STARD6: variants seen among roughly 807,000 people sequenced by gnomAD.
STARD6 encodes the protein stAR-related lipid transfer protein 6.
STARD6 carries 21 observed loss-of-function variants against 22.3 expected under a neutral mutation model. That is an observed-to-expected ratio of 0.94 (90% CI 0.67 to 1.35). The LOEUF (loss-of-function observed/expected upper bound fraction) is 1.35. Ranked by LOEUF, STARD6 falls within the 40% of genes most tolerant of loss-of-function variation. The pLI is 0.00. For missense variants in STARD6, 269 were observed against 266.9 expected, an observed-to-expected ratio of 1.01 and a Z score of -0.05; for synonymous variants, 80 against 88.1, an observed-to-expected ratio of 0.91 and a Z score of 0.52.
chr18:54,325,532 C>G (rs1568164813), intron 7 of STARD6, among the ~76,000 whole-genome samples: 1 of 151,310 alleles, frequency 6.6e-6, no homozygotes, highest in Admixed American at 6.6e-5. Context: ...AATAAAATAT[C>G]TTTGTAATGT....
intron 5 of STARD6, among the ~76,000 whole-genome samples, chr18:54,332,371 A>T (rs1176203271): frequency 6.6e-6 from 1 of 152,224 alleles, no homozygotes; most frequent in Non-Finnish European, 1.5e-5. Flanking sequence ...TCATTCCTGC[A>T]GATAAGATCC....
At chr18:54,356,014 G>T (rs2089139673) in intron 2 of STARD6, among the ~76,000 whole-genome samples, 1 of 152,090 alleles carries the variant, frequency 6.6e-6, no homozygotes, top group Non-Finnish European at 1.5e-5. Flanking sequence ...AGGATTAGTT[G>T]AGTTAATATA....
At chr18:54,339,855 T>C (rs2088954256) in intron 4 of STARD6, among the ~76,000 whole-genome samples, 1 of 152,170 alleles carries the variant, frequency 6.6e-6, no homozygotes, top group South Asian at 2.1e-4. Flanking sequence ...TTCCCCTTTC[T>C]TCTATTAACT....
intron 7 of STARD6, 37 bp downstream of exon 7, chr18:54,329,310 A>T: frequency 6.7e-7 from 1 of 1,489,438 alleles, no homozygotes; most frequent in South Asian, 1.3e-5. Context: ...TGAACTAAAA[A>T]AACCTGTTAA....
intron 5 of STARD6, 45 bp from the exon 6 acceptor site, chr18:54,331,904 C>A (rs1307840743): frequency 7.4e-7 from 1 of 1,344,516 alleles, no homozygotes; most frequent in South Asian, 1.3e-5. Context: ...TACTTAATAT[C>A]TATTCTTTGT....
At chr18:54,356,232 T>C (rs1275282139) in intron 2 of STARD6, 129 bp downstream of exon 2, 3 of 152,266 alleles carry the variant, frequency 2.0e-5, no homozygotes, top group Non-Finnish European at 2.9e-5. Flanking sequence ...GGTTGGATCA[T>C]AAATCTATTT....
At chr18:54,354,975 T>C (rs2089131337) in intron 2 of STARD6, among the ~76,000 whole-genome samples, 1 of 152,254 alleles carries the variant, frequency 6.6e-6, no homozygotes, top group Admixed American at 6.5e-5. Flanking sequence ...AGTCATTCAA[T>C]AAATAATTTT....
intron 4 of STARD6, among the ~76,000 whole-genome samples, chr18:54,349,657 C>A (rs1221002208): frequency 1.3e-5 from 2 of 152,084 alleles, no homozygotes; most frequent in Non-Finnish European, 2.9e-5. Flanking sequence ...TCCTCCTCCT[C>A]CCACCCTTTC....
chr18:54,354,183 A>C, intron 3 of STARD6, 80 bp from the exon 4 acceptor site: 1 of 951,372 alleles, frequency 1.1e-6, no homozygotes, highest in Non-Finnish European at 1.6e-6. Context: ...CAAAAGTAAA[A>C]ACACTTTTTT....
In STARD6 at chr18:54,327,059, C is replaced by A. The variant is rs1003076522; in HGVS notation, c.480-2184G>T. Reference sequence around the variant, plus strand: ...CTTTGGGCTTCCACTTTCTTTCCTGCCCATTGGGCATAGTCACACTACCTA... The same window carrying A: ...CTTTGGGCTTCCACTTTCTTTCCTGACCATTGGGCATAGTCACACTACCTA... On this transcript the variant is annotated intron_variant, in intron 7 of 7. Coordinates refer to ENST00000307844, the MANE Select transcript of STARD6 (RefSeq NM_139171.2). Among the ~76,000 whole-genome samples the A allele has an allele frequency of 2.0e-5, 3 of 152,140 alleles. No individual in the cohort carries two copies. The East Asian group carries it at 5.8e-4, about 29-fold the overall frequency.
At chr18:54,348,169 T>A (rs2144691460) in intron 4 of STARD6, among the ~76,000 whole-genome samples, 1 of 152,268 alleles carries the variant, frequency 6.6e-6, no homozygotes, top group South Asian at 2.1e-4. Context: ...CTCAGGTATG[T>A]CTTTATCAGC....
At chr18:54,353,822 T>G in intron 4 of STARD6, 1 of 321,442 alleles carries the variant, frequency 3.1e-6, no homozygotes, top group Non-Finnish European at 5.5e-6. Flanking sequence ...ATTTAGTGAA[T>G]TAGTAATTAG....
chr18:54,357,613 C>G (rs2089166950), intron 1 of STARD6, among the ~76,000 whole-genome samples, 179 bp downstream of exon 1: 1 of 152,180 alleles, frequency 6.6e-6, no homozygotes, highest in Non-Finnish European at 1.5e-5. Flanking sequence ...CCTTAAGTCT[C>G]CCTCCCCACC....
intron 4 of STARD6, among the ~76,000 whole-genome samples, chr18:54,346,747 C>G (rs906811759): frequency 1.3e-5 from 2 of 152,016 alleles, no homozygotes; most frequent in South Asian, 2.1e-4. Context: ...CTGACACAAG[C>G]TACAACATGG....
chr18:54,337,018 A>T, intron 5 of STARD6, 107 bp downstream of exon 5: 1 of 1,035,030 alleles, frequency 9.7e-7, no homozygotes, highest in Non-Finnish European at 1.3e-6. Context: ...AGTCAATTTG[A>T]AACTATAAAA....
In STARD6 at chr18:54,331,877, G is replaced by A. The variant is rs751466800; in HGVS notation, c.268-18C>T. On this transcript the variant is annotated intron_variant, in intron 5 of 7. Coordinates refer to ENST00000307844, the MANE Select transcript of STARD6 (RefSeq NM_139171.2). ...AATGTGTCCTGCAACAAATCAAACCGTAAAGATAACAAACGTTACTTAATA... is the reference window on the plus strand; with the variant it reads ...AATGTGTCCTGCAACAAATCAAACCATAAAGATAACAAACGTTACTTAATA... The A allele has an allele frequency of 1.5e-5, 23 of 1,515,950 alleles. No individual in the cohort carries two copies. The highest frequency in any genetic ancestry group is 4.1e-5 in the African/African-American group (3 of 72,786). The allele number at this position is 1,515,950 out of a possible 1,614,324, so 93.9% of individuals were successfully genotyped here. A position where few individuals can be genotyped will look rare whatever the true frequency, so the allele number is the denominator to read the frequency against.
intron 4 of STARD6, among the ~76,000 whole-genome samples, chr18:54,350,033 ACT>A (rs908128866): frequency 6.6e-6 from 1 of 151,896 alleles, no homozygotes; most frequent in Non-Finnish European, 1.5e-5. Flanking sequence ...TTGCAGTTCT[ACT>A]CTTAGTTCTT....
At chr18:54,333,147 C>G (rs1034334131) in intron 5 of STARD6, among the ~76,000 whole-genome samples, 5 of 151,966 alleles carry the variant, frequency 3.3e-5, no homozygotes, top group Non-Finnish European at 7.4e-5. Flanking sequence ...ATATGACTTG[C>G]AACAACAATA....
At chr18:54,331,123 T>C (rs774707017) in intron 6 of STARD6, among the ~76,000 whole-genome samples, 2 of 152,118 alleles carry the variant, frequency 1.3e-5, no homozygotes, top group Non-Finnish European at 2.9e-5. Flanking sequence ...AAAAACGGGC[T>C]CTATGCCACT....
Sources: gnomAD v4.1 joint callset for allele counts (sites outside exome capture counted in the v4.1 genomes callset) on GRCh38, gnomAD v4.1.1 for gene constraint, MANE v1.5 for transcripts, NCBI Gene and HGNC (gene_info 2026-07-23, HGNC 2026-07-21) for gene names.